Variants in TOGARAM2 observed in about 807,000 individuals in gnomAD.
The protein encoded by TOGARAM2 is TOG array regulator of axonemal microtubules 2.
TOGARAM2 carries 85 observed loss-of-function variants against 93.3 expected under a neutral mutation model. The observed-to-expected ratio is 0.91, with a 90% CI of 0.76 to 1.09. The LOEUF (loss-of-function observed/expected upper bound fraction) is 1.09. Ranked by LOEUF, TOGARAM2 falls within the 50% of genes least tolerant of loss-of-function variation. The pLI, the probability that TOGARAM2 is intolerant of heterozygous loss-of-function variation, is 0.00. For synonymous variants in TOGARAM2, 593 were observed against 552.8 expected, an observed-to-expected ratio of 1.07 and a Z score of -1.02; for missense variants, 1,277 against 1,334.5, an observed-to-expected ratio of 0.96 and a Z score of 0.67.
chr2:29,003,558 G>T lies in TOGARAM2; in HGVS notation c.706G>T (p.Val236Leu). The change falls in exon 6 of 20, where the codon GTG (valine) becomes TTG (leucine). Residue 236 changes from valine (V) to leucine (L), a missense_variant. Physicochemically the swap from Val to Leu is conservative, Grantham distance 32 (BLOSUM62 1). Transcript: ENST00000379558. ...EKMQKSLGAI[V>L]IPPIPKARTV... The stretch of plus-strand genomic sequence containing the variant: ...GATGCAGAAGTCCCTGGGCGCCATC[G>T]TGATCCCACCCATCCCAAAGGCCAG... 6.3e-7 allele frequency: 1 copy of T among 1,594,750 alleles called. No individual in the cohort carries two copies.
At chr2:29,004,473 A>G (rs1378342045) in intron 6 of TOGARAM2, among the ~76,000 whole-genome samples, 2 of 152,244 alleles carry the variant, frequency 1.3e-5, no homozygotes, top group Admixed American at 6.5e-5. Flanking sequence ...TTGTGTTGGC[A>G]TAAATCGGGT....
chr2:29,018,043 G>T, intron 10 of TOGARAM2, 87 bp downstream of exon 10: 1 of 1,425,526 alleles, frequency 7.0e-7, no homozygotes, highest in Non-Finnish European at 9.3e-7. Context: ...TGACCTCGGT[G>T]GCTTTGCTTC....
intron 10 of TOGARAM2, among the ~76,000 whole-genome samples, chr2:29,019,967 G>T (rs376408674): frequency 6.6e-5 from 10 of 152,346 alleles, no homozygotes; most frequent in Middle Eastern, 3.4e-3. Context: ...ATTTCTCAGC[G>T]AGGCAAATTT....
intron 6 of TOGARAM2, among the ~76,000 whole-genome samples, chr2:29,004,937 T>A (rs1423900223): frequency 6.0e-5 from 7 of 115,872 alleles, no homozygotes; most frequent in African/African-American, 2.5e-4. Context: ...TGAGTGCATG[T>A]GTGTGCATGT....
chr2:28,963,268 C>T (rs929270632), intron 1 of TOGARAM2, among the ~76,000 whole-genome samples: 1 of 152,102 alleles, frequency 6.6e-6, no homozygotes, highest in Non-Finnish European at 1.5e-5. Flanking sequence ...TTTGATATTT[C>T]TGATTAATTT....
chr2:29,026,776 T>A (rs1009343308), intron 13 of TOGARAM2, 77 bp from the exon 14 acceptor site: 34 of 1,394,848 alleles, frequency 2.4e-5, no homozygotes, highest in Middle Eastern at 1.8e-4. Flanking sequence ...TCTGCAATGG[T>A]AGATCCATGT....
chr2:29,032,806 G>C (rs1665849382), intron 14 of TOGARAM2, 128 bp from the exon 15 acceptor site: 1 of 683,976 alleles, frequency 1.5e-6, no homozygotes, highest in Non-Finnish European at 2.5e-6. Context: ...ACTGGGTAGG[G>C]ATTGCTTTTG....
chr2:29,011,430 C>A (rs778161724), intron 6 of TOGARAM2, 25 bp from the exon 7 acceptor site: 1 of 1,609,390 alleles, frequency 6.2e-7, no homozygotes, highest in Admixed American at 1.7e-5. Context: ...CCTCATGATG[C>A]TTTTCTCTCC....
chr2:29,007,448 C>G (rs1417359925), intron 6 of TOGARAM2, among the ~76,000 whole-genome samples: 1 of 152,174 alleles, frequency 6.6e-6, no homozygotes, highest in Non-Finnish European at 1.5e-5. Flanking sequence ...TGCTCCAACA[C>G]ATTTCCATAG....
chr2:28,971,387 T>C (rs1419111518), intron 1 of TOGARAM2, among the ~76,000 whole-genome samples: 2 of 152,038 alleles, frequency 1.3e-5, no homozygotes, highest in African/African-American at 2.4e-5. Context: ...AATTTTTAGA[T>C]TTTTTGTAGA....
chr2:28,979,232 C>A (rs145549194), upstream of TOGARAM2, among the ~76,000 whole-genome samples: 1 of 152,134 alleles, frequency 6.6e-6, no homozygotes, highest in Non-Finnish European at 1.5e-5. Context: ...CTCCTTACCT[C>A]GGGGATTTCA....
chr2:29,011,659 G>C (rs548465420), intron 7 of TOGARAM2, among the ~76,000 whole-genome samples, 158 bp downstream of exon 7: 2 of 152,206 alleles, frequency 1.3e-5, no homozygotes, highest in African/African-American at 4.8e-5. Context: ...AGGTCTAACC[G>C]GAGGGTGGCA....
At chr2:29,004,890 A>ACATGTGTGAGTG (rs1477843579) in intron 6 of TOGARAM2, among the ~76,000 whole-genome samples, 17 of 139,550 alleles carry the variant, frequency 1.2e-4, no homozygotes, top group African/African-American at 4.5e-4. Flanking sequence ...GTGTATGTGT[A>ACATGTGTGAGTG]CATGTGTGAG....
At chr2:29,038,795 T>A (rs1373148013) in intron 18 of TOGARAM2, among the ~76,000 whole-genome samples, 1 of 152,184 alleles carries the variant, frequency 6.6e-6, no homozygotes, top group East Asian at 1.9e-4. Context: ...AAGCATGGGC[T>A]ATCTGGGCCT....
chr2:29,032,925 C>T lies in TOGARAM2; in HGVS notation c.2013-9C>T. 1.2e-6 allele frequency: 2 copies of T among 1,611,292 alleles called. No homozygotes were observed. The highest frequency in any genetic ancestry group is 8.5e-7 in the Non-Finnish European group (1 of 1,178,270). On this transcript the variant is annotated splice_polypyrimidine_tract_variant and intron_variant, in intron 14 of 19. Coordinates refer to ENST00000379558, the MANE Select transcript of TOGARAM2 (RefSeq NM_199280.4). ...CTGTTTCTTTATCTTGCTCTCTCTCCTGTGGCAGATTTTATGGCCGGAAGA... is the reference window on the plus strand; with the variant it reads ...CTGTTTCTTTATCTTGCTCTCTCTCTTGTGGCAGATTTTATGGCCGGAAGA...
intron 1 of TOGARAM2, among the ~76,000 whole-genome samples, chr2:28,972,215 A>AG (rs1671959196): frequency 6.6e-6 from 1 of 152,120 alleles, no homozygotes; most frequent in Non-Finnish European, 1.5e-5. Context: ...CAGCCTCCTG[A>AG]GTAACTGGGA....
At chr2:28,983,198 ATTTTTTTTTTTTTTTTT>A (rs57949744) in intron 1 of TOGARAM2, among the ~76,000 whole-genome samples, 1 of 56,618 alleles carries the variant, frequency 1.8e-5, no homozygotes, top group African/African-American at 8.3e-5. Flanking sequence ...ATATATATAT[ATTTTTTTTTTTTTTTTT>A]TTTTTTTTTT....
intron 19 of TOGARAM2, chr2:29,045,788 G>A (rs1666709933): frequency 3.6e-6 from 1 of 276,494 alleles, no homozygotes; most frequent in South Asian, 3.6e-5. Context: ...TGCAGAACTG[G>A]TATCATGAAA....
chr2:29,023,671 C>G (rs561112777), intron 12 of TOGARAM2, among the ~76,000 whole-genome samples: 1 of 152,216 alleles, frequency 6.6e-6, no homozygotes, highest in African/African-American at 2.4e-5. Flanking sequence ...ATACGGAGGA[C>G]GCTGTTTTGT....
Sources: gnomAD v4.1 joint callset for allele counts (sites outside exome capture counted in the v4.1 genomes callset) on GRCh38, gnomAD v4.1.1 for gene constraint, MANE v1.5 for transcripts, NCBI Gene and HGNC (gene_info 2026-07-23, HGNC 2026-07-21) for gene names.